PTPRT: variants seen among roughly 807,000 people sequenced by gnomAD.
PTPRT encodes the protein receptor-type tyrosine-protein phosphatase T.
A neutral mutation model predicts 176.8 loss-of-function variants in PTPRT; 56 were observed. The observed-to-expected ratio is 0.32, with a 90% CI of 0.26 to 0.40. PTPRT has a LOEUF of 0.40. Among genes scored for constraint, PTPRT ranks in the 10% least tolerant of loss-of-function variants. PTPRT has a pLI of 1.00. For missense variants in PTPRT, 1,540 were observed against 1,908.2 expected (o/e 0.81, Z 3.60); for synonymous variants, 783 against 739.0 (o/e 1.06, Z -0.96).
chr20:42,428,087 C>T (rs1021471731), intron 9 of PTPRT, among the ~76,000 whole-genome samples: 16 of 152,302 alleles, frequency 1.1e-4, no homozygotes, highest in African/African-American at 2.9e-4. Flanking sequence ...TCTCCTCACA[C>T]GGACGCACAT....
At chr20:42,926,961 A>T (rs1979525772) in intron 1 of PTPRT, among the ~76,000 whole-genome samples, 1 of 152,104 alleles carries the variant, frequency 6.6e-6, no homozygotes, top group South Asian at 2.1e-4. Context: ...ATTACCAGGG[A>T]AAGGATGTTT....
At chr20:42,975,726 G>C (rs1466938724) in intron 1 of PTPRT, among the ~76,000 whole-genome samples, 1 of 152,134 alleles carries the variant, frequency 6.6e-6, no homozygotes, top group Non-Finnish European at 1.5e-5. Context: ...CTATAGATGG[G>C]TGGGAAATCT....
intron 7 of PTPRT, among the ~76,000 whole-genome samples, chr20:42,609,168 G>T (rs1008555333): frequency 6.6e-6 from 1 of 152,012 alleles, no homozygotes; most frequent in African/African-American, 2.4e-5. Flanking sequence ...CCACCTCCTG[G>T]GTTCAAGTGA....
At position 42,932,920 on chromosome 20, in the gene PTPRT, T is replaced by C. The variant is rs143625323; in HGVS notation, c.89-46988A>G. On this transcript the variant is annotated intron_variant, in intron 1 of 30. Coordinates refer to ENST00000373187, the MANE Select transcript of PTPRT (RefSeq NM_007050.6). ...CAGAGTGATAATGAAACAAGGGTCC[T>C]CATCTTTGCAGCATTGGTCAGCCTG... Among the ~76,000 whole-genome samples the C allele has an allele frequency of 7.4e-4, 112 of 152,310 alleles. 1 individual carries two copies. In the East Asian group the frequency reaches 0.021, roughly 28 times the overall value.
chr20:42,432,153 C>T (rs2059220773), intron 9 of PTPRT, among the ~76,000 whole-genome samples: 1 of 152,198 alleles, frequency 6.6e-6, no homozygotes, highest in South Asian at 2.1e-4. Context: ...TCAGTTCCCA[C>T]CTTCCCCATG....
At chr20:42,862,527 C>T (rs758786715) in intron 2 of PTPRT, among the ~76,000 whole-genome samples, 16 of 152,146 alleles carry the variant, frequency 1.1e-4, no homozygotes, top group Non-Finnish European at 2.2e-4. Context: ...TGTTCATGAC[C>T]ACCTCTCCCA....
intron 12 of PTPRT, among the ~76,000 whole-genome samples, chr20:42,285,994 C>G (rs994277023): frequency 6.6e-6 from 1 of 151,550 alleles, no homozygotes; most frequent in Admixed American, 6.6e-5. Flanking sequence ...TAATAACTAC[C>G]AAAAGTAATA....
At chr20:43,111,842 T>C (rs533032579) in intron 1 of PTPRT, among the ~76,000 whole-genome samples, 1 of 152,324 alleles carries the variant, frequency 6.6e-6, no homozygotes, top group Non-Finnish European at 1.5e-5. Context: ...AGTCAGCTTT[T>C]GAAATGAGCT....
intron 7 of PTPRT, among the ~76,000 whole-genome samples, chr20:42,616,464 A>G (rs1196242839): frequency 2.4e-5 from 3 of 127,112 alleles, no homozygotes; most frequent in Non-Finnish European, 4.9e-5. Flanking sequence ...GTTTTTTCCA[A>G]TTCTGTGAAG....
chr20:42,466,606 G>T (rs565376156), intron 8 of PTPRT, among the ~76,000 whole-genome samples: 20 of 152,298 alleles, frequency 1.3e-4, no homozygotes, highest in African/African-American at 4.8e-4. Context: ...TGAAAACTAT[G>T]TGGATGTTGA....
intron 6 of PTPRT, among the ~76,000 whole-genome samples, chr20:42,720,249 A>G (rs1221310403): frequency 6.6e-6 from 1 of 152,230 alleles, no homozygotes; most frequent in Non-Finnish European, 1.5e-5. Flanking sequence ...TGCATGATAA[A>G]TGATATCATG....
At chr20:42,550,272 G>A (rs1249413986) in intron 7 of PTPRT, among the ~76,000 whole-genome samples, 5 of 151,960 alleles carry the variant, frequency 3.3e-5, no homozygotes, top group South Asian at 4.2e-4. Flanking sequence ...CCAGACCACC[G>A]TTCCAATTTC....
At chr20:42,240,590 T>C (rs1255613811) in intron 14 of PTPRT, among the ~76,000 whole-genome samples, 5 of 152,186 alleles carry the variant, frequency 3.3e-5, no homozygotes, top group Non-Finnish European at 7.3e-5. Flanking sequence ...GTTGTCTATC[T>C]AACGACCCAT....
intron 2 of PTPRT, among the ~76,000 whole-genome samples, chr20:42,830,185 C>T (rs1323960448): frequency 6.6e-6 from 1 of 152,220 alleles, no homozygotes; most frequent in South Asian, 2.1e-4. Context: ...AACATTAATG[C>T]AAAAATTCTC....
intron 15 of PTPRT, among the ~76,000 whole-genome samples, 192 bp downstream of exon 15, chr20:42,236,037 A>G (rs1187060434): frequency 6.6e-6 from 1 of 152,238 alleles, no homozygotes; most frequent in Non-Finnish European, 1.5e-5. Flanking sequence ...TGGTGGAAAC[A>G]TAACGAACTT....
chr20:42,388,410 C>T (rs536606249), intron 9 of PTPRT, among the ~76,000 whole-genome samples: 4 of 152,166 alleles, frequency 2.6e-5, no homozygotes, highest in Admixed American at 1.3e-4. Flanking sequence ...ATCTACAAAG[C>T]ACTTAAACAA....
intron 1 of PTPRT, among the ~76,000 whole-genome samples, chr20:43,161,688 G>C (rs1341087048): frequency 3.3e-5 from 5 of 152,112 alleles, no homozygotes; most frequent in Non-Finnish European, 7.4e-5. Flanking sequence ...AAAGCTGGCT[G>C]TTCCTGATTT....
In PTPRT at chr20:42,352,301, G is replaced by GCAAA. The variant is rs750768544; in HGVS notation, c.1561-20_1561-17dup. The GCAAA allele has an allele frequency of 6.8e-6, 11 of 1,613,364 alleles. No individual in the cohort carries two copies. In the East Asian group the frequency reaches 1.1e-4, roughly 16 times the overall value. ...TGTAGTTGATCTGTAGGACAAGCCA[G>GCAAA]CAAACAAACAAACAAATAAATGCCT... On this transcript the variant is annotated splice_polypyrimidine_tract_variant and intron_variant, in intron 9 of 30. Coordinates refer to ENST00000373187, the MANE Select transcript of PTPRT (RefSeq NM_007050.6).
In PTPRT at chr20:42,350,130, C is replaced by T. The variant is rs115239002; in HGVS notation, c.1865+498G>A. 6.4e-3 allele frequency among the ~76,000 whole-genome samples: 966 copies of T among 151,876 alleles called. 4 individuals carry two copies. The highest frequency in any genetic ancestry group is 0.022 in the African/African-American group (909 of 41,426). On this transcript the variant is annotated intron_variant, in intron 11 of 30. Transcript: ENST00000373187. ...TCCAGGAGACTGTGTTCCAGGCCAC[C>T]GACCCCACTAACTAAATTTACCATA...
Sources: gnomAD v4.1 joint callset for allele counts (sites outside exome capture counted in the v4.1 genomes callset) on GRCh38, gnomAD v4.1.1 for gene constraint, MANE v1.5 for transcripts, NCBI Gene and HGNC (gene_info 2026-07-23, HGNC 2026-07-21) for gene names.